Variants in MSH5 observed in about 807,000 individuals in gnomAD.
The protein encoded by MSH5 is mutS homolog 5.
MSH5 carries 78 observed loss-of-function variants against 107.7 expected under a neutral mutation model. The ratio of observed to expected loss-of-function variants is 0.72; its 90% CI spans 0.60 to 0.87. MSH5 has a LOEUF of 0.87. MSH5 is among the 40% of genes least tolerant of loss of function. MSH5 has a pLI of 0.00. For missense variants in MSH5, 889 were observed against 1,046.6 expected (o/e 0.85, Z 2.08); for synonymous variants, 326 against 399.5 (o/e 0.82, Z 2.19).
At position 31,749,117 on chromosome 6, in the gene MSH5, T is replaced by A. The variant is rs180778345; in HGVS notation, c.812+1685T>A. 5.3e-5 allele frequency among the ~76,000 whole-genome samples: 8 copies of A among 152,104 alleles called. No individual in the cohort carries two copies. The East Asian group carries it at 7.8e-4, about 15-fold the overall frequency. On this transcript the variant is annotated intron_variant, in intron 10 of 24. Coordinates refer to ENST00000375750, the MANE Select transcript of MSH5 (RefSeq NM_172166.4). ...TTTTAGTAGAGATGGGATTTCACCA[T>A]GTTGGCCACGCTGGTCTTGAACTGC... is the stretch of plus-strand genomic sequence containing the variant.
At position 31,762,142 on chromosome 6, in the gene MSH5, ATCAAGCCTG is replaced by A; in HGVS notation, c.2356_2364del (p.Pro786_Lys788del). On this transcript the variant is annotated inframe_deletion, in exon 24 of 25. Coordinates refer to ENST00000375750, the MANE Select transcript of MSH5 (RefSeq NM_172166.4). ...AGACTTGATCCGCAGTGGAAAACCCATCAAGCCTGTCAAGGATTTGCTAAAGAAGAACCA... is the reference window on the plus strand; with the variant it reads ...AGACTTGATCCGCAGTGGAAAACCCATCAAGGATTTGCTAAAGAAGAACCA... 1 of 1,614,196 alleles carries A rather than the reference ATCAAGCCTG, an allele frequency of 6.2e-7. No homozygotes were observed. The highest frequency in any genetic ancestry group is 8.5e-7 in the Non-Finnish European group (1 of 1,180,030).
intron 10 of MSH5, among the ~76,000 whole-genome samples, chr6:31,749,160 C>T (rs1809731869): frequency 6.6e-6 from 1 of 152,092 alleles, no homozygotes; most frequent in Admixed American, 6.6e-5. Flanking sequence ...GTGATCTGCC[C>T]ACCTCGGCCT....
chr6:31,740,572 G>A lies in MSH5; in HGVS notation c.106G>A (p.Ala36Thr), dbSNP rs1808766539. The change falls in exon 2 of 25, where the codon GCC becomes ACC. Residue 36 changes from alanine (A) to threonine (T), a missense_variant. This residue lies in a region of MSH5 where 518 missense variants were observed against 565.0 expected (regional missense o/e 0.92). Coordinates refer to ENST00000375750, the MANE Select transcript of MSH5 (RefSeq NM_172166.4). The surrounding 1 kb of genome is among the most constrained non-coding windows in gnomAD (Gnocchi z 4.4). ...GGCCCCAGTGCCGGGCCCCAGGGAGGCCGAGGAGGAGGAAGTCGAGGAGGA... is the reference window on the plus strand; with the variant it reads ...GGCCCCAGTGCCGGGCCCCAGGGAGACCGAGGAGGAGGAAGTCGAGGAGGA... Reference protein sequence around the residue: ...SPAPVPGPREAEEEEVEEEEE... With the variant: ...SPAPVPGPRETEEEEVEEEEE... 8 of 1,515,740 alleles carry A rather than the reference G, an allele frequency of 5.3e-6. No individual in the cohort carries two copies. Among genetic ancestry groups the A allele is most frequent in the Non-Finnish European group, 7.0e-6 (8 of 1,134,864 alleles). 93.9% of individuals were successfully genotyped at this position (1,515,740 alleles called of 1,614,324 possible). A position where few individuals can be genotyped will look rare whatever the true frequency, so the allele number is the denominator to read the frequency against.
chr6:31,762,350 C>A, intron 24 of MSH5, 70 bp from the exon 25 acceptor site: 2 of 1,348,430 alleles, frequency 1.5e-6, no homozygotes, highest in Non-Finnish European at 2.1e-6. Flanking sequence ...TGTGCCACAG[C>A]CTCTCCCCTC....
chr6:31,741,371 ACACACACACACATAT>A, intron 3 of MSH5, 85 bp downstream of exon 3: 8 of 1,150,314 alleles, frequency 7.0e-6, no homozygotes, highest in Non-Finnish European at 9.6e-6. Context: ...ACACACACAC[ACACACACACACATAT>A]TTTTTTTTTC....
In MSH5 at chr6:31,748,231, C is replaced by T. The variant is rs541950719; in HGVS notation, c.812+799C>T. 1.1e-4 allele frequency among the ~76,000 whole-genome samples: 16 copies of T among 152,170 alleles called. 1 individual carries two copies. The highest frequency in any genetic ancestry group is 3.9e-4 in the African/African-American group (16 of 41,516). ...AGATCTGTTCCTCTTCCTGCATTCC[C>T]TTTGCTGGTTAATGGCATTGCTGGC... On this transcript the variant is annotated intron_variant, in intron 10 of 24. Transcript: ENST00000375750.
chr6:31,748,914 GTCTTT>G (rs1358596241), intron 10 of MSH5, among the ~76,000 whole-genome samples: 1,232 of 110,558 alleles, frequency 0.011, 5 homozygotes, highest in Non-Finnish European at 0.013. Flanking sequence ...CTTCTGGAAA[GTCTTT>G]TTTTTTTTTT....
chr6:31,743,257 C>T, intron 5 of MSH5, 87 bp downstream of exon 5: 2 of 1,396,990 alleles, frequency 1.4e-6, no homozygotes, highest in Non-Finnish European at 2.0e-6. Flanking sequence ...ACAGATCTCC[C>T]CTCTGCCTTA....
intron 10 of MSH5, 69 bp downstream of exon 10, chr6:31,747,501 A>G: frequency 1.3e-6 from 2 of 1,525,934 alleles, no homozygotes; most frequent in African/African-American, 1.4e-5. Context: ...ACTAAAGCCT[A>G]CTAATGGCAG....
intron 10 of MSH5, among the ~76,000 whole-genome samples, chr6:31,748,082 TTC>T (rs1421010029): frequency 6.6e-6 from 1 of 152,200 alleles, no homozygotes; most frequent in East Asian, 1.9e-4. Context: ...CACTTCACAT[TTC>T]TGTGATGACT....
Position 31,761,883 on chromosome 6 carries a change from G to A in MSH5, c.2247G>A (p.Ala749=), listed in dbSNP as rs527749901. The part of the protein sequence containing the change: ...VFFYQVCEGV[A]KASHASHTAA... ...TCTATCAGGTTTGCGAAGGTGTTGC[G>A]AAGGCCAGCCATGCCTCCCACACAG... The change falls in exon 23 of 25, where the codon GCG becomes GCA. Residue 749 remains alanine, a synonymous_variant. Coordinates refer to ENST00000375750, the MANE Select transcript of MSH5 (RefSeq NM_172166.4). The surrounding 1 kb of genome is among the most constrained non-coding windows in gnomAD (Gnocchi z 5.3). The A allele has an allele frequency of 8.1e-6, 13 of 1,613,328 alleles. No homozygotes were observed. The highest frequency in any genetic ancestry group is 7.7e-5 in the South Asian group (7 of 91,076).
In MSH5 at chr6:31,743,125, G is replaced by A. The variant is rs867446497; in HGVS notation, c.370G>A (p.Glu124Lys). The A allele has an allele frequency of 1.2e-6, 2 of 1,613,004 alleles. No individual in the cohort carries two copies. Among genetic ancestry groups the A allele is most frequent in the Non-Finnish European group, 1.7e-6 (2 of 1,180,002 alleles). The part of the protein sequence containing the change: ...LGKLASQEHR[E>K]PKRPEIIFLP... ...CCCCACAGCCTCCCAGGAGCACAGAGAGCCTAAAAGACCTGAAATCATATT... is the reference window on the plus strand; with the variant it reads ...CCCCACAGCCTCCCAGGAGCACAGAAAGCCTAAAAGACCTGAAATCATATT... Residue 124 changes from glutamate (E) to lysine (K), a missense_variant, in exon 5 of 25, where the codon GAG (glutamate) becomes AAG (lysine). Around this residue, in one of 3 missense-constraint regions of MSH5, gnomAD observed 518 missense variants for 565.0 expected, o/e 0.92. Coordinates refer to ENST00000375750, the MANE Select transcript of MSH5 (RefSeq NM_172166.4).
chr6:31,761,644 A>T lies in MSH5; in HGVS notation c.2181+29A>T. On this transcript the variant is annotated intron_variant, in intron 22 of 24. Coordinates refer to ENST00000375750, the MANE Select transcript of MSH5 (RefSeq NM_172166.4). This position sits in a 1 kb window ranked among gnomAD's most constrained non-coding sequence, Gnocchi z 5.3. ...AGGAGACCAATCTAGCTCCTCGGGG[A>T]CCCCCAGGCTGGGCATTTCCCAGAG... is the stretch of plus-strand genomic sequence containing the variant. 3 of 1,613,730 alleles carry T rather than the reference A, an allele frequency of 1.9e-6. No homozygotes were observed. The highest frequency in any genetic ancestry group is 2.5e-6 in the Non-Finnish European group (3 of 1,179,948).
chr6:31,742,188 G>C (rs1008768278), intron 3 of MSH5, among the ~76,000 whole-genome samples: 10 of 152,228 alleles, frequency 6.6e-5, no homozygotes, highest in South Asian at 2.1e-4. Context: ...CTTCACAGAG[G>C]CTCCCTCTTT....
intron 12 of MSH5, chr6:31,753,885 C>T (rs189272886): frequency 2.4e-4 from 100 of 421,124 alleles, no homozygotes; most frequent in Admixed American, 1.6e-3. Context: ...GCCACCATGC[C>T]TGGCAAATTT....
intron 12 of MSH5, chr6:31,757,918 C>G: frequency 1.8e-6 from 1 of 555,766 alleles, no homozygotes; most frequent in South Asian, 2.5e-5. Context: ...GATCTACCCA[C>G]CTCAGCCTCC....
At position 31,760,729 on chromosome 6, in the gene MSH5, G is replaced by A; in HGVS notation, c.1852G>A (p.Val618Met). ...ATTCATGGCCCTGGTAGGCAGCTTT[G>A]TGCCAGCAGAGGAGGCCGAAATTGG... Reference protein sequence around the residue: ...ITFMALVGSFVPAEEAEIGAV... With the variant: ...ITFMALVGSFMPAEEAEIGAV... Residue 618 changes from valine to methionine, a missense_variant, in exon 20 of 25, where the codon GTG becomes ATG. Val to Met is a conservative substitution (Grantham distance 21). Around this residue, in one of 3 missense-constraint regions of MSH5, gnomAD observed 362 missense variants for 456.2 expected, o/e 0.79. Transcript: ENST00000375750. The surrounding 1 kb of genome is among the most constrained non-coding windows in gnomAD (Gnocchi z 5.6). 1 of 1,613,054 alleles carries A rather than the reference G, an allele frequency of 6.2e-7. No individual in the cohort carries two copies. The highest frequency in any genetic ancestry group is 8.5e-7 in the Non-Finnish European group (1 of 1,180,044).
At chr6:31,741,387 T>A (rs957926865) in intron 3 of MSH5, 101 bp downstream of exon 3, 54 of 1,310,054 alleles carry the variant, frequency 4.1e-5, no homozygotes, top group South Asian at 1.4e-4. Flanking sequence ...ACACACATAT[T>A]TTTTTTTTCT....
At chr6:31,762,235 A>G (rs1811085876) in intron 24 of MSH5, 50 bp downstream of exon 24, 1 of 1,587,684 alleles carries the variant, frequency 6.3e-7, no homozygotes, top group Non-Finnish European at 8.6e-7. Flanking sequence ...TTCTCCTGCA[A>G]CTCTTCTCCC....
Sources: allele counts gnomAD v4.1 joint callset (sites outside exome capture counted in the v4.1 genomes callset), GRCh38; gene constraint gnomAD v4.1.1; regional missense constraint gnomAD v4.1.1; non-coding constraint Gnocchi (gnomAD v3.1); transcripts MANE v1.5; gene names NCBI Gene and HGNC (gene_info 2026-07-23, HGNC 2026-07-21).